Variants in ROPN1 observed in about 807,000 individuals in gnomAD.
ROPN1 encodes ropporin-1A.
A neutral mutation model predicts 20.5 loss-of-function variants in ROPN1; 14 were observed. The observed-to-expected ratio is 0.68, with a 90% CI of 0.45 to 1.07. The LOEUF is 1.07. ROPN1 is among the 50% of genes least tolerant of loss of function. The pLI, the probability that ROPN1 is intolerant of heterozygous loss-of-function variation, is 0.00. For synonymous variants in ROPN1, 76 were observed against 95.7 expected (o/e 0.79, Z 1.20); for missense variants, 169 against 242.8 (o/e 0.70, Z 2.02).
chr3:123,984,515 C>A (rs2038210751), intron 1 of ROPN1, among the ~76,000 whole-genome samples: 1 of 152,162 alleles, frequency 6.6e-6, no homozygotes, highest in Non-Finnish European at 1.5e-5. Flanking sequence ...ACCTATTGTG[C>A]AGCCTCCTGA....
At chr3:123,976,406 C>A (rs574322697) in intron 3 of ROPN1, among the ~76,000 whole-genome samples, 164 of 152,058 alleles carry the variant, frequency 1.1e-3, no homozygotes, top group Non-Finnish European at 1.1e-3. Flanking sequence ...ATTCACCAGG[C>A]AGCTCCCAGG....
intron 1 of ROPN1, among the ~76,000 whole-genome samples, chr3:123,987,370 C>G (rs531472197): frequency 6.6e-6 from 1 of 152,202 alleles, no homozygotes; most frequent in African/African-American, 2.4e-5. Flanking sequence ...TCTGTGCCTT[C>G]CCTCTGTCCA....
At chr3:123,990,231 G>T (rs940234074) in intron 1 of ROPN1, among the ~76,000 whole-genome samples, 1 of 151,846 alleles carries the variant, frequency 6.6e-6, no homozygotes, top group African/African-American at 2.4e-5. Flanking sequence ...TAAGAGACAA[G>T]TATTTAGGAG....
At chr3:123,973,929 G>A (rs2037963689) in intron 4 of ROPN1, among the ~76,000 whole-genome samples, 1 of 152,192 alleles carries the variant, frequency 6.6e-6, no homozygotes, top group African/African-American at 2.4e-5. Flanking sequence ...AAGACTAAGG[G>A]ATGTGAGAAA....
At position 123,970,129 on chromosome 3, in the gene ROPN1, T is replaced by A. The variant is rs2037885910; in HGVS notation, c.485A>T (p.Gln162Leu). The A allele has an allele frequency of 6.2e-7, 1 of 1,614,166 alleles. No homozygotes were observed. Among genetic ancestry groups the A allele is most frequent in the Non-Finnish European group, 8.5e-7 (1 of 1,180,026 alleles). Residue 162 changes from glutamine to leucine, a missense_variant, in exon 5 of 6, where the codon CAG becomes CTG. Gln to Leu is a moderately radical substitution (Grantham distance 113). Around this residue, in one of 3 missense-constraint regions of ROPN1, gnomAD observed 82 missense variants for 100.1 expected, o/e 0.82. Coordinates refer to ENST00000405845, the MANE Select transcript of ROPN1 (RefSeq NM_001317774.2). ...GSPRIPFSTF[Q>L]FLYTYIAKVD... ...TTTGGCAATATACGTGTAGAGAAAC[T>A]GGAAGGTGCTGAACGGGATCCGGGG...
chr3:123,991,819 T>A (rs2038417012), intron 1 of ROPN1, 103 bp downstream of exon 1: 2 of 152,284 alleles, frequency 1.3e-5, no homozygotes, highest in African/African-American at 4.8e-5. Context: ...AAGGAGAGGC[T>A]CAGAATCCAG....
chr3:123,972,635 G>A (rs757510051), intron 4 of ROPN1, among the ~76,000 whole-genome samples: 2 of 152,210 alleles, frequency 1.3e-5, no homozygotes, highest in Admixed American at 6.5e-5. Context: ...TGTATTAGAC[G>A]CAGAGAGCTC....
chr3:123,985,457 TCAC>T (rs2096816200), intron 1 of ROPN1, among the ~76,000 whole-genome samples: 1 of 152,238 alleles, frequency 6.6e-6, no homozygotes, highest in African/African-American at 2.4e-5. Flanking sequence ...TTCTTCATCA[TCAC>T]CATCACCATC....
intron 3 of ROPN1, among the ~76,000 whole-genome samples, chr3:123,976,476 C>T (rs2038025724): frequency 6.6e-6 from 1 of 152,182 alleles, no homozygotes; most frequent in Non-Finnish European, 1.5e-5. Context: ...AATGTCTGGA[C>T]CTTGGATAGC....
Position 123,984,748 on chromosome 3 carries a change from C to CA in ROPN1, c.-12-4256dup, listed in dbSNP as rs549810597. Among the ~76,000 whole-genome samples, 1,140 of 147,634 alleles carry CA rather than the reference C, an allele frequency of 7.7e-3. 17 individuals carry two copies. Among genetic ancestry groups the CA allele is most frequent in the African/African-American group, 0.024 (979 of 40,536 alleles). ...TATACAGTCTGCTCTGGCCACTTTC[C>CA]AAAAAAAAAAATTATATATCCAAAG... On this transcript the variant is annotated intron_variant, in intron 1 of 5. Coordinates refer to ENST00000405845, the MANE Select transcript of ROPN1 (RefSeq NM_001317774.2).
intron 4 of ROPN1, among the ~76,000 whole-genome samples, chr3:123,971,640 A>G (rs781393022): frequency 5.9e-5 from 9 of 152,134 alleles, no homozygotes; most frequent in Non-Finnish European, 1.0e-4. Flanking sequence ...AGGATGGTAA[A>G]TCATGCATGT....
At position 123,970,022 on chromosome 3, in the gene ROPN1, C is replaced by T; in HGVS notation, c.572+20G>A. The T allele has an allele frequency of 1.2e-6, 2 of 1,610,290 alleles. No homozygotes were observed. The highest frequency in any genetic ancestry group is 1.7e-6 in the Non-Finnish European group (2 of 1,177,516). On this transcript the variant is annotated intron_variant, in intron 5 of 5. Coordinates refer to ENST00000405845, the MANE Select transcript of ROPN1 (RefSeq NM_001317774.2). ...TTTTCCTGGTATTCTTTCACCTCCA[C>T]TTGACAAAAGTTAACTTACACTTCC...
intron 1 of ROPN1, among the ~76,000 whole-genome samples, chr3:123,985,866 G>T (rs2038238772): frequency 1.3e-5 from 2 of 151,326 alleles, no homozygotes; most frequent in Admixed American, 1.3e-4. Flanking sequence ...ACAAAAATTA[G>T]CCGGGCATGG....
At chr3:123,985,753 G>T (rs1055008662) in intron 1 of ROPN1, among the ~76,000 whole-genome samples, 2 of 151,776 alleles carry the variant, frequency 1.3e-5, no homozygotes, top group Non-Finnish European at 2.9e-5. Context: ...AGTGGTTCAC[G>T]CCAGTAAACC....
At chr3:123,970,334 A>T in intron 4 of ROPN1, 117 bp from the exon 5 acceptor site, 1 of 891,504 alleles carries the variant, frequency 1.1e-6, no homozygotes, top group East Asian at 2.7e-5. Context: ...AGTGGGAACA[A>T]TTTAAGATTC....
intron 4 of ROPN1, among the ~76,000 whole-genome samples, chr3:123,971,968 TAA>T (rs1559821099): frequency 1.3e-5 from 2 of 152,082 alleles, no homozygotes; most frequent in Admixed American, 6.6e-5. Flanking sequence ...AGTTAGGATA[TAA>T]AGAGAGAGCC....
At chr3:123,989,261 A>G (rs1387600280) in intron 1 of ROPN1, among the ~76,000 whole-genome samples, 2 of 152,222 alleles carry the variant, frequency 1.3e-5, no homozygotes, top group Non-Finnish European at 2.9e-5. Context: ...GGCTGGAAAT[A>G]TAGCTCAAGG....
chr3:123,981,682 C>T (rs2038152290), intron 1 of ROPN1, among the ~76,000 whole-genome samples: 1 of 152,206 alleles, frequency 6.6e-6, no homozygotes, highest in Admixed American at 6.5e-5. Flanking sequence ...CAATTTATGC[C>T]AACACCAGCA....
intron 4 of ROPN1, among the ~76,000 whole-genome samples, chr3:123,971,478 A>G (rs1192024265): frequency 6.6e-6 from 1 of 152,244 alleles, no homozygotes; most frequent in Non-Finnish European, 1.5e-5. Context: ...ATTGAGTTTG[A>G]GGCAGGCCAC....
Sources: allele counts gnomAD v4.1 joint callset (sites outside exome capture counted in the v4.1 genomes callset), GRCh38; gene constraint gnomAD v4.1.1; regional missense constraint gnomAD v4.1.1; transcripts MANE v1.5; gene names NCBI Gene and HGNC (gene_info 2026-07-23, HGNC 2026-07-21).